Variants in CCDC121 observed in about 807,000 individuals in gnomAD.
CCDC121 encodes coiled-coil domain-containing protein 121.
For synonymous variants in CCDC121, 108 were observed against 120.0 expected (o/e 0.90, Z 0.65); for missense variants, 238 against 304.1 (o/e 0.78, Z 1.62).
intron 1 of CCDC121, 24 bp from the exon 2 acceptor site, chr2:27,627,941 C>G (rs780505552): frequency 6.6e-7 from 1 of 1,507,348 alleles, no homozygotes; most frequent in Non-Finnish European, 9.2e-7. Context: ...CGAGACATTC[C>G]TCTGTCAGTT....
At position 27,626,206 on chromosome 2, in the gene CCDC121, T is replaced by A. The variant is rs1481965648; in HGVS notation, c.*757A>T. 1 of 152,332 alleles carries A rather than the reference T, an allele frequency of 6.6e-6. No individual in the cohort carries two copies. Among genetic ancestry groups the A allele is most frequent in the African/African-American group, 2.4e-5 (1 of 41,448 alleles). The allele number at this position is 152,332 out of a possible 1,614,324, so 9.4% of individuals were successfully genotyped here. On this transcript the variant is annotated 3_prime_UTR_variant, in exon 2 of 2. Coordinates refer to ENST00000324364, the MANE Select transcript of CCDC121 (RefSeq NM_024584.5). ...AATCGATGGCACTTAAAAAAAAAGT[T>A]GTCCAAATATTTCAACTTTTTTTGG...
rs1336163514 is a variant in CCDC121 at position 27,626,157 on chromosome 2, T to A, written c.*806A>T. On this transcript the variant is annotated 3_prime_UTR_variant, in exon 2 of 2. Coordinates refer to ENST00000324364, the MANE Select transcript of CCDC121 (RefSeq NM_024584.5). Reference sequence around the variant, plus strand: ...GGATAACAAACATCATTTTACTTGCTATCTTTTAGAATGCTGCTAGGGAAA... The same window carrying A: ...GGATAACAAACATCATTTTACTTGCAATCTTTTAGAATGCTGCTAGGGAAA... 1 of 152,354 alleles carries A rather than the reference T, an allele frequency of 6.6e-6. No homozygotes were observed. Among genetic ancestry groups the A allele is most frequent in the Non-Finnish European group, 1.5e-5 (1 of 68,034 alleles). 9.4% of individuals were successfully genotyped at this position (152,354 alleles called of 1,614,324 possible). A position where few individuals can be genotyped will look rare whatever the true frequency, so the allele number is the denominator to read the frequency against.
At chr2:27,628,747 T>G (rs1319943211) in intron 1 of CCDC121, 2 of 1,547,536 alleles carry the variant, frequency 1.3e-6, no homozygotes, top group African/African-American at 1.4e-5. Context: ...GTGTGAGCCC[T>G]GCCCTCGGGA....
chr2:27,628,924 G>A lies in CCDC121; in HGVS notation c.-119+26C>T, dbSNP rs1259870391. The A allele has an allele frequency of 2.0e-6, 3 of 1,497,330 alleles. No homozygotes were observed. The Admixed American group carries it at 7.2e-5, about 36-fold the overall frequency. The allele number at this position is 1,497,330 out of a possible 1,614,324, so 92.8% of individuals were successfully genotyped here. On this transcript the variant is annotated intron_variant, in intron 1 of 1. Coordinates refer to ENST00000324364, the MANE Select transcript of CCDC121 (RefSeq NM_024584.5). ...CAGCCCTGCCCGACGCTAAGAAGAT[G>A]CCCTGGCAACCGCCGCGCCCCTCAC... is the stretch of plus-strand genomic sequence containing the variant.
rs1572944376 is a variant in CCDC121 at position 27,626,094 on chromosome 2, T to C, written c.*869A>G. 6.6e-6 allele frequency: 1 copy of C among 152,328 alleles called. No individual in the cohort carries two copies. The highest frequency in any genetic ancestry group is 2.4e-5 in the African/African-American group (1 of 41,460). 9.4% of individuals were successfully genotyped at this position (152,328 alleles called of 1,614,324 possible). A position where few individuals can be genotyped will look rare whatever the true frequency, so the allele number is the denominator to read the frequency against. ...CTTCATGTACTAGAAAGTGCACCTG[T>C]AAGAAAATTAATAAATGACCTAAAA... On this transcript the variant is annotated 3_prime_UTR_variant, in exon 2 of 2. Coordinates refer to ENST00000324364, the MANE Select transcript of CCDC121 (RefSeq NM_024584.5).
At chr2:27,628,686 C>G (rs769807338) in intron 1 of CCDC121, 15 of 1,551,698 alleles carry the variant, frequency 9.7e-6, no homozygotes, top group Middle Eastern at 3.3e-4. Context: ...TGGCTCCGCT[C>G]CCCGTTCTCT....
intron 1 of CCDC121, chr2:27,628,527 C>T: frequency 6.4e-7 from 1 of 1,551,562 alleles, no homozygotes. Context: ...GTGTGGAAAG[C>T]TCCCGTAGTT....
intron 1 of CCDC121, chr2:27,628,469 C>A: frequency 3.9e-6 from 6 of 1,551,448 alleles, no homozygotes; most frequent in Non-Finnish European, 5.2e-6. Flanking sequence ...AAGGAATGAG[C>A]GCTAGCATCA....
rs1474732361 is a variant in CCDC121 at position 27,626,955 on chromosome 2, T to G, written c.*8A>C. Reference sequence around the variant, plus strand: ...CCAGTTCTTATTTAATCAGTGTTATTTTAGAAGTTACTTTGGATTAATCCT... The same window carrying G: ...CCAGTTCTTATTTAATCAGTGTTATGTTAGAAGTTACTTTGGATTAATCCT... On this transcript the variant is annotated 3_prime_UTR_variant, in exon 2 of 2. Transcript: ENST00000324364. 1 of 1,579,418 alleles carries G rather than the reference T, an allele frequency of 6.3e-7. No homozygotes were observed.
At chr2:27,628,023 G>A in intron 1 of CCDC121, 106 bp from the exon 2 acceptor site, 2 of 802,056 alleles carry the variant, frequency 2.5e-6, no homozygotes, top group Non-Finnish European at 4.0e-6. Flanking sequence ...GCACCAGAAT[G>A]TTCCAGACAT....
At chr2:27,628,764 C>G (rs1347720141) in intron 1 of CCDC121, 186 bp downstream of exon 1, 7 of 1,535,272 alleles carry the variant, frequency 4.6e-6, no homozygotes, top group Non-Finnish European at 5.3e-6. Context: ...GGGACCCCAT[C>G]TCTTCTGGCC....
rs1488189230 is a variant in CCDC121 at position 27,627,588 on chromosome 2, C to T, written c.212G>A (p.Arg71Lys). The T allele has an allele frequency of 1.2e-6, 2 of 1,614,134 alleles. No homozygotes were observed. Among genetic ancestry groups the T allele is most frequent in the South Asian group, 2.2e-5 (2 of 91,076 alleles). The change falls in exon 2 of 2, where the codon AGA becomes AAA. Residue 71 changes from arginine (R) to lysine (K), a missense_variant. Transcript: ENST00000324364. ...YLQKSGEIER[R>K]RQESASRYAE... ...ATATCTGGAGGCTGATTCTTGTCTT[C>T]TTCGTTCAATCTCTCCACTTTTTTG...
rs1016736067 is a variant in CCDC121, at chr2:27,626,510, T to C, written c.*453A>G. On this transcript the variant is annotated 3_prime_UTR_variant, in exon 2 of 2. Coordinates refer to ENST00000324364, the MANE Select transcript of CCDC121 (RefSeq NM_024584.5). The stretch of plus-strand genomic sequence containing the variant: ...TCACAAAGAGCTTGTAAAAACTGCT[T>C]TTGTCTGCTAAGTTGGTCAAAAGGA... The C allele has an allele frequency of 6.5e-6, 1 of 153,190 alleles. No individual in the cohort carries two copies. Among genetic ancestry groups the C allele is most frequent in the Admixed American group, 6.5e-5 (1 of 15,352 alleles). The allele number at this position is 153,190 out of a possible 1,614,324, so 9.5% of individuals were successfully genotyped here.
chr2:27,626,832 C>T lies in CCDC121; in HGVS notation c.*131G>A. On this transcript the variant is annotated 3_prime_UTR_variant, in exon 2 of 2. Transcript: ENST00000324364. ...GGACTGTTGGATAAAACCATCTAAT[C>T]CTTCACTCCAACACATCATGATGGA... The T allele has an allele frequency of 2.9e-6, 2 of 679,210 alleles. No homozygotes were observed. Among genetic ancestry groups the T allele is most frequent in the Admixed American group, 2.5e-5 (1 of 39,430 alleles). The allele number at this position is 679,210 out of a possible 1,614,324, so 42.1% of individuals were successfully genotyped here.
In CCDC121 at chr2:27,628,931, C is replaced by T; in HGVS notation, c.-119+19G>A. 2.7e-6 allele frequency: 4 copies of T among 1,504,818 alleles called. No individual in the cohort carries two copies. Among genetic ancestry groups the T allele is most frequent in the Non-Finnish European group, 3.5e-6 (4 of 1,127,202 alleles). 93.2% of individuals were successfully genotyped at this position (1,504,818 alleles called of 1,614,324 possible). On this transcript the variant is annotated intron_variant, in intron 1 of 1. Coordinates refer to ENST00000324364, the MANE Select transcript of CCDC121 (RefSeq NM_024584.5). ...GCCCGACGCTAAGAAGATGCCCTGGCAACCGCCGCGCCCCTCACCCGCTCC... is the reference window on the plus strand; with the variant it reads ...GCCCGACGCTAAGAAGATGCCCTGGTAACCGCCGCGCCCCTCACCCGCTCC...
At position 27,627,286 on chromosome 2, in the gene CCDC121, C is replaced by G. The variant is rs143636868; in HGVS notation, c.514G>C (p.Glu172Gln). The change falls in exon 2 of 2, where the codon GAG becomes CAG. Residue 172 changes from glutamate to glutamine, a missense_variant. Glu to Gln is a conservative substitution (Grantham distance 29). Coordinates refer to ENST00000324364, the MANE Select transcript of CCDC121 (RefSeq NM_024584.5). ...AAGGCCTGGGCCTTCATATTAAGCT[C>G]TCTTCTTTTTCTCTTTCCCAGTAGC... ...RRLLGKRKRRELNMKAQALKL... is the reference protein window; with the variant it reads ...RRLLGKRKRRQLNMKAQALKL... 8.1e-6 allele frequency: 13 copies of G among 1,613,974 alleles called. No homozygotes were observed. Among genetic ancestry groups the G allele is most frequent in the Non-Finnish European group, 1.1e-5 (13 of 1,179,868 alleles).
At position 27,626,656 on chromosome 2, in the gene CCDC121, C is replaced by A. The variant is rs1673286448; in HGVS notation, c.*307G>T. 2 of 253,736 alleles carry A rather than the reference C, an allele frequency of 7.9e-6. No individual in the cohort carries two copies. The highest frequency in any genetic ancestry group is 7.5e-6 in the Non-Finnish European group (1 of 133,872). 15.7% of individuals were successfully genotyped at this position (253,736 alleles called of 1,614,324 possible). ...AATAAATCACAACTGTTTTCACTTC[C>A]TTAGGTTGGTTTCCTTTAGCTAGTT... On this transcript the variant is annotated 3_prime_UTR_variant, in exon 2 of 2. Transcript: ENST00000324364.
rs745312315 is a variant in CCDC121 at position 27,627,564 on chromosome 2, T to C, written c.236A>G (p.Tyr79Cys). The C allele has an allele frequency of 1.9e-6, 3 of 1,614,212 alleles. No individual in the cohort carries two copies. Among genetic ancestry groups the C allele is most frequent in the East Asian group, 4.5e-5 (2 of 44,886 alleles). ...TTTAAGCACTGAAATTTGTTCTGCA[T>C]ATCTGGAGGCTGATTCTTGTCTTCT... Reference protein sequence around the residue: ...ERRRQESASRYAEQISVLKTA... With the variant: ...ERRRQESASRCAEQISVLKTA... The change falls in exon 2 of 2, where the codon TAT (tyrosine) becomes TGT (cysteine). Residue 79 changes from tyrosine to cysteine, a missense_variant. Physicochemically the swap from Tyr to Cys is radical, Grantham distance 194 (BLOSUM62 -2). Coordinates refer to ENST00000324364, the MANE Select transcript of CCDC121 (RefSeq NM_024584.5).
In CCDC121 at chr2:27,626,485, TCA is replaced by T. The variant is rs1673281655; in HGVS notation, c.*476_*477del. 1 of 152,864 alleles carries T rather than the reference TCA, an allele frequency of 6.5e-6. No homozygotes were observed. The highest frequency in any genetic ancestry group is 1.5e-5 in the Non-Finnish European group (1 of 68,440). 9.5% of individuals were successfully genotyped at this position (152,864 alleles called of 1,614,324 possible). ...GAGCTACCTGGTCACTGGCACAAAC[TCA>T]CAAAGAGCTTGTAAAAACTGCTTTT... is the stretch of plus-strand genomic sequence containing the variant. On this transcript the variant is annotated 3_prime_UTR_variant, in exon 2 of 2. Coordinates refer to ENST00000324364, the MANE Select transcript of CCDC121 (RefSeq NM_024584.5).
Sources: allele counts gnomAD v4.1 joint callset, GRCh38; gene constraint gnomAD v4.1.1; transcripts MANE v1.5; gene names NCBI Gene and HGNC (gene_info 2026-07-23, HGNC 2026-07-21).